Variants in MARF1 observed in about 807,000 individuals in gnomAD.
The protein encoded by MARF1 is limkain-b1.
MARF1 carries 24 observed loss-of-function variants against 168.2 expected under a neutral mutation model. The observed-to-expected ratio is 0.14, with a 90% confidence interval of 0.10 to 0.20. MARF1 has a LOEUF of 0.20. Among genes scored for constraint, MARF1 ranks in the 10% least tolerant of loss-of-function variants. MARF1 has a pLI of 1.00. For missense variants in MARF1, 1,744 were observed against 2,143.6 expected (o/e 0.81, Z 3.68); for synonymous variants, 868 against 822.4 (o/e 1.06, Z -0.95).
intron 19 of MARF1, chr16:15,610,675 T>C: frequency 3.9e-6 from 1 of 256,288 alleles, no homozygotes; most frequent in South Asian, 7.6e-5. Flanking sequence ...GATTCTCAAC[T>C]GGATGACTAA....
rs754092259 is a variant in MARF1, at chr16:15,639,237, G to T, written c.-4C>A. 3.1e-6 allele frequency: 5 copies of T among 1,610,230 alleles called. No homozygotes were observed. Among genetic ancestry groups the T allele is most frequent in the Non-Finnish European group, 4.2e-6 (5 of 1,178,594 alleles). ...CAGTTCCGTTTCCTTCCATCATACA[G>T]CCATGCAAAGTGATTCAACATCCTT... On this transcript the variant is annotated 5_prime_UTR_variant, in exon 2 of 27. In the 5' UTR this introduces an upstream ATG that the reference lacks. Coordinates refer to ENST00000396368, the MANE Select transcript of MARF1 (RefSeq NM_014647.4).
intron 5 of MARF1, 53 bp from the exon 6 acceptor site, chr16:15,631,551 G>T: frequency 8.0e-7 from 1 of 1,256,852 alleles, no homozygotes; most frequent in Non-Finnish European, 1.1e-6. Flanking sequence ...CTAGAAAATT[G>T]CTACACATTC....
intron 25 of MARF1, among the ~76,000 whole-genome samples, chr16:15,599,457 G>A (rs1044306364): frequency 1.3e-5 from 2 of 152,106 alleles, no homozygotes; most frequent in East Asian, 1.9e-4. Flanking sequence ...TGAGATTTCC[G>A]AGCCTCCGCT....
intron 12 of MARF1, among the ~76,000 whole-genome samples, chr16:15,620,831 C>T (rs929260804): frequency 6.6e-6 from 1 of 152,120 alleles, no homozygotes; most frequent in African/African-American, 2.4e-5. Context: ...TGCCACACTG[C>T]AGTTTGTTAG....
chr16:15,605,200 C>T (rs912902195), intron 21 of MARF1, among the ~76,000 whole-genome samples: 4 of 152,188 alleles, frequency 2.6e-5, no homozygotes, highest in South Asian at 2.1e-4. Context: ...CACACGGCTC[C>T]GGCACTGCTC....
chr16:15,609,264 A>C (rs1023282887), intron 20 of MARF1, among the ~76,000 whole-genome samples: 1 of 152,248 alleles, frequency 6.6e-6, no homozygotes, highest in African/African-American at 2.4e-5. Flanking sequence ...AACAAACAAA[A>C]AAAAGAAAAC....
rs753852883 is a variant in MARF1 at position 15,596,784 on chromosome 16, T to C, written c.5138A>G (p.Lys1713Arg). 1 of 1,614,020 alleles carries C rather than the reference T, an allele frequency of 6.2e-7. No individual in the cohort carries two copies. The highest frequency in any genetic ancestry group is 1.1e-5 in the South Asian group (1 of 91,070). ...TTTGGCCGGGCTTTCCACGGGGTCC[T>C]TGCTGAGCAGTGACTCGGAGGTTTC... ...SSETSESLLS[K>R]DPVESPAKKQ... The change falls in exon 27 of 27, where the codon AAG becomes AGG. Residue 1713 changes from lysine to arginine, a missense_variant. This residue lies in a region of MARF1 where 313 missense variants were observed against 337.4 expected (regional missense o/e 0.93). Transcript: ENST00000396368.
chr16:15,615,579 C>T (rs922786252), intron 16 of MARF1, among the ~76,000 whole-genome samples: 4 of 152,156 alleles, frequency 2.6e-5, no homozygotes, highest in East Asian at 1.9e-4. Context: ...GAGCCGAGAT[C>T]GCACCACTGC....
chr16:15,621,640 G>T, intron 12 of MARF1, 93 bp downstream of exon 12: 1 of 1,183,584 alleles, frequency 8.4e-7, no homozygotes, highest in Non-Finnish European at 1.2e-6. Flanking sequence ...TCACAAGGGG[G>T]TGGGAATGTG....
intron 1 of MARF1, among the ~76,000 whole-genome samples, chr16:15,640,935 A>G (rs1264578442): frequency 6.6e-6 from 1 of 152,182 alleles, no homozygotes; most frequent in Non-Finnish European, 1.5e-5. Flanking sequence ...AAAATAAAAT[A>G]AAGTTCAAAA....
At chr16:15,616,987 G>T (rs2034104028) in intron 15 of MARF1, 65 bp downstream of exon 15, 9 of 1,560,392 alleles carry the variant, frequency 5.8e-6, no homozygotes, top group Non-Finnish European at 7.8e-6. Context: ...TGGGCAGAAA[G>T]GGCAGGCTTC....
chr16:15,625,438 C>A lies in MARF1; in HGVS notation c.1887G>T (p.Thr629=), dbSNP rs545321505. 46 of 1,613,814 alleles carry A rather than the reference C, an allele frequency of 2.9e-5. No homozygotes were observed. Among genetic ancestry groups the A allele is most frequent in the South Asian group, 9.9e-5 (9 of 90,984 alleles). The change falls in exon 8 of 27, where the codon ACG becomes ACT. Residue 629 remains threonine, a synonymous_variant. Transcript: ENST00000396368. ...AATTTGCCTGTGACCCTTTTCCAGG[C>A]GTGGCTTTGGCACTGGAAGATTGTT... The part of the protein sequence containing the change: ...ASEQSSSAKA[T]PGKGSQANSG...
Position 15,613,133 on chromosome 16 carries a change from C to T in MARF1, c.3254-356G>A, listed in dbSNP as rs868590636. Among the ~76,000 whole-genome samples the T allele has an allele frequency of 3.1e-4, 47 of 152,250 alleles. 1 individual carries two copies. The highest frequency in any genetic ancestry group is 1.2e-3 in the South Asian group (6 of 4,828). On this transcript the variant is annotated intron_variant, in intron 16 of 26. Transcript: ENST00000396368. ...CCTTCTGAAACTTGGTCATGTGGAA[C>T]GTACCTTTCCACAAAGTTATAAATG...
chr16:15,604,609 G>A (rs544357153), intron 21 of MARF1, among the ~76,000 whole-genome samples: 7 of 152,224 alleles, frequency 4.6e-5, no homozygotes, highest in South Asian at 4.1e-4. Context: ...TCCCCCTGCC[G>A]GTCCATAACT....
chr16:15,604,132 T>A (rs1201002764), intron 22 of MARF1, 36 bp downstream of exon 22: 1 of 1,470,778 alleles, frequency 6.8e-7, no homozygotes, highest in Non-Finnish European at 9.5e-7. Flanking sequence ...TCGATAGTTT[T>A]CAATGATAGT....
Position 15,611,747 on chromosome 16 carries a change from T to C in MARF1, c.3475-13A>G, listed in dbSNP as rs770685985. Reference sequence around the variant, plus strand: ...CCATTCCAAGAATCTGCAAAGCAAATAGTTTATTTATACACATAAGACCTC... The same window carrying C: ...CCATTCCAAGAATCTGCAAAGCAAACAGTTTATTTATACACATAAGACCTC... On this transcript the variant is annotated splice_polypyrimidine_tract_variant and intron_variant, in intron 17 of 26. Transcript: ENST00000396368. 1.9e-6 allele frequency: 3 copies of C among 1,613,476 alleles called. No individual in the cohort carries two copies. The highest frequency in any genetic ancestry group is 2.5e-6 in the Non-Finnish European group (3 of 1,179,654).
In MARF1 at chr16:15,611,661, A is replaced by C; in HGVS notation, c.3548T>G (p.Leu1183Ter). 1 of 1,614,136 alleles carries C rather than the reference A, an allele frequency of 6.2e-7. No individual in the cohort carries two copies. Among genetic ancestry groups the C allele is most frequent in the Non-Finnish European group, 8.5e-7 (1 of 1,180,004 alleles). Reference protein sequence around the residue: ...RAQVKRFTQDLLKLLKSQASK... With the variant: ...RAQVKRFTQD ...GGCCTGGGATTTGAGAAGTTTTAGTAAATCCTGAGTAAAGCGCTTCACCTG... is the reference window on the plus strand; with the variant it reads ...GGCCTGGGATTTGAGAAGTTTTAGTCAATCCTGAGTAAAGCGCTTCACCTG... The change falls in exon 18 of 27, where the codon TTA becomes TGA. Residue 1183 changes from leucine (L) to a stop codon, truncating the protein, a stop_gained. Transcript: ENST00000396368. LOFTEE classifies it high-confidence loss of function.
At chr16:15,613,581 G>C (rs1272577240) in intron 16 of MARF1, among the ~76,000 whole-genome samples, 1 of 151,856 alleles carries the variant, frequency 6.6e-6, no homozygotes, top group Non-Finnish European at 1.5e-5. Context: ...AGAATGGCAT[G>C]AACCCAGGAG....
rs1227751836 is a variant in MARF1, at chr16:15,596,800, C to T, written c.5122G>A (p.Glu1708Lys). ...VPPCPSSETS[E>K]SLLSKDPVES... The stretch of plus-strand genomic sequence containing the variant: ...ACGGGGTCCTTGCTGAGCAGTGACT[C>T]GGAGGTTTCCGAGGAGGGGCAGGGA... Residue 1708 changes from glutamate (E) to lysine (K), a missense_variant, in exon 27 of 27, where the codon GAG (glutamate) becomes AAG (lysine). By Grantham distance (56) the Glu-to-Lys change is moderately conservative. Around this residue, in one of 7 missense-constraint regions of MARF1, gnomAD observed 313 missense variants for 337.4 expected, o/e 0.93. Transcript: ENST00000396368. 35 of 1,614,026 alleles carry T rather than the reference C, an allele frequency of 2.2e-5. No individual in the cohort carries two copies. Among genetic ancestry groups the T allele is most frequent in the African/African-American group, 2.7e-5 (2 of 75,012 alleles).
Sources: gnomAD v4.1 joint callset for allele counts (sites outside exome capture counted in the v4.1 genomes callset) on GRCh38, gnomAD v4.1.1 for gene constraint, gnomAD v4.1.1 regional missense constraint, MANE v1.5 for transcripts, NCBI Gene and HGNC (gene_info 2026-07-23, HGNC 2026-07-21) for gene names.